Variants in CRTC3 observed in about 807,000 individuals in gnomAD.
CRTC3 encodes CREB-regulated transcription coactivator 3.
Under a neutral mutation model 74.5 loss-of-function variants are expected in CRTC3, and 26 were observed. That is an observed-to-expected ratio of 0.35 (90% CI 0.26 to 0.48). CRTC3 has a LOEUF of 0.48. CRTC3 is among the 20% of genes least tolerant of loss of function. The probability of loss-of-function intolerance (pLI) is 0.99; values close to 1 mark genes in which losing one functional copy is unlikely to be tolerated. For missense variants in CRTC3, 760 were observed against 787.3 expected, an observed-to-expected ratio of 0.97 and a Z score of 0.41; for synonymous variants, 377 against 325.8, an observed-to-expected ratio of 1.16 and a Z score of -1.69.
At chr15:90,624,461 C>G (rs1439587785) in intron 9 of CRTC3, among the ~76,000 whole-genome samples, 1 of 152,138 alleles carries the variant, frequency 6.6e-6, no homozygotes, top group Non-Finnish European at 1.5e-5. Flanking sequence ...CTGCCTCTCC[C>G]TCCCCATGTG....
At chr15:90,543,581 C>A (rs1309512992) in intron 2 of CRTC3, among the ~76,000 whole-genome samples, 1 of 152,094 alleles carries the variant, frequency 6.6e-6, no homozygotes. Flanking sequence ...TAAGAGTGGG[C>A]TTGAAGCGCA....
chr15:90,531,230 CA>C (rs536256517), intron 1 of CRTC3, among the ~76,000 whole-genome samples: 1 of 152,084 alleles, frequency 6.6e-6, no homozygotes, highest in African/African-American at 2.4e-5. Context: ...ACACAAAATC[CA>C]AATTTCCGTA....
intron 2 of CRTC3, among the ~76,000 whole-genome samples, chr15:90,572,381 G>A (rs940754069): frequency 2.6e-5 from 4 of 152,026 alleles, no homozygotes; most frequent in Admixed American, 1.3e-4. Flanking sequence ...TTATGATATC[G>A]TGTTGGATAT....
intron 2 of CRTC3, among the ~76,000 whole-genome samples, chr15:90,562,015 A>C (rs190051141): frequency 6.6e-6 from 1 of 152,242 alleles, no homozygotes; most frequent in Non-Finnish European, 1.5e-5. Flanking sequence ...CTCCCTGGCT[A>C]TAAGCAGTTG....
At chr15:90,630,293 T>C (rs79260673) in intron 11 of CRTC3, among the ~76,000 whole-genome samples, 2,327 of 152,294 alleles carry the variant, frequency 0.015, 77 homozygotes, top group African/African-American at 0.053. Context: ...TCCTGAAGCT[T>C]TGATAATGAA....
chr15:90,561,243 C>T (rs752867081), intron 2 of CRTC3, among the ~76,000 whole-genome samples: 1 of 152,300 alleles, frequency 6.6e-6, no homozygotes, highest in South Asian at 2.1e-4. Flanking sequence ...TATAAACTCC[C>T]TGTTGCAGCC....
intron 2 of CRTC3, among the ~76,000 whole-genome samples, chr15:90,572,777 T>C (rs1967305345): frequency 6.6e-6 from 1 of 152,184 alleles, no homozygotes; most frequent in African/African-American, 2.4e-5. Context: ...GGTTTCACCA[T>C]GTTGGCCAGG....
intron 2 of CRTC3, among the ~76,000 whole-genome samples, chr15:90,592,307 T>C (rs1967819262): frequency 6.6e-6 from 1 of 152,240 alleles, no homozygotes; most frequent in South Asian, 2.1e-4. Flanking sequence ...CATTTTGCTA[T>C]GTATACATAT....
chr15:90,635,931 T>A (rs538731781), intron 11 of CRTC3, among the ~76,000 whole-genome samples: 113 of 152,154 alleles, frequency 7.4e-4, no homozygotes, highest in African/African-American at 2.5e-3. Flanking sequence ...GGAAGAACAT[T>A]CCATGCTCAT....
rs1969474557 is a variant in CRTC3 at position 90,642,197 on chromosome 15, T to C, written c.*57T>C. On this transcript the variant is annotated 3_prime_UTR_variant, in exon 15 of 15. Transcript: ENST00000268184. ...CTGCAACAGCCAAAATAGAATGGAA[T>C]AGAATGAAGCCAGCTGATACCACGG... 3 of 1,478,326 alleles carry C rather than the reference T, an allele frequency of 2.0e-6. No homozygotes were observed. The highest frequency in any genetic ancestry group is 2.8e-6 in the Non-Finnish European group (3 of 1,060,662). The allele number at this position is 1,478,326 out of a possible 1,614,324, so 91.6% of individuals were successfully genotyped here.
At chr15:90,572,092 G>A (rs372140168) in intron 2 of CRTC3, among the ~76,000 whole-genome samples, 14 of 151,762 alleles carry the variant, frequency 9.2e-5, no homozygotes, top group African/African-American at 3.4e-4. Context: ...AGCCCAAGAG[G>A]CGGAGGTTGC....
At chr15:90,556,972 A>C (rs1026285781) in intron 2 of CRTC3, among the ~76,000 whole-genome samples, 83 of 18,000 alleles carry the variant, frequency 4.6e-3, no homozygotes, top group African/African-American at 7.4e-3. Flanking sequence ...ATATATATAT[A>C]TATATATATA....
rs1966603605 is a variant in CRTC3 at position 90,530,262 on chromosome 15, G to T, written c.132+59G>T. The T allele has an allele frequency of 7.0e-6, 7 of 996,036 alleles. No individual in the cohort carries two copies. In the East Asian group the frequency reaches 5.9e-4, roughly 84 times the overall value. 61.7% of individuals were successfully genotyped at this position (996,036 alleles called of 1,614,324 possible). A position where few individuals can be genotyped will look rare whatever the true frequency, so the allele number is the denominator to read the frequency against. ...CACGGCCGCGGGCGGGACCCGCGCG[G>T]CGGGTGAGAGGTTGCGGGGCCAAGG... is the stretch of plus-strand genomic sequence containing the variant. On this transcript the variant is annotated intron_variant, in intron 1 of 14. Coordinates refer to ENST00000268184, the MANE Select transcript of CRTC3 (RefSeq NM_022769.5). The surrounding 1 kb of genome is among the most constrained non-coding windows in gnomAD (Gnocchi z 6.2).
intron 11 of CRTC3, among the ~76,000 whole-genome samples, chr15:90,631,074 G>A (rs1240529450): frequency 7.0e-6 from 1 of 143,542 alleles, no homozygotes; most frequent in African/African-American, 2.5e-5. Context: ...ACCGCGCCCG[G>A]CCTATTACAG....
intron 2 of CRTC3, among the ~76,000 whole-genome samples, chr15:90,585,024 G>T (rs976436257): frequency 3.3e-5 from 5 of 152,198 alleles, no homozygotes; most frequent in Admixed American, 6.5e-5. Flanking sequence ...CAATTTGTAG[G>T]TGTGCCGTTT....
At chr15:90,589,873 G>C (rs574952816) in intron 2 of CRTC3, among the ~76,000 whole-genome samples, 6 of 152,060 alleles carry the variant, frequency 3.9e-5, no homozygotes, top group African/African-American at 9.6e-5. Context: ...TGTAATCCCA[G>C]CTACTCAGGA....
At chr15:90,597,128 G>T (rs1213717502) in intron 3 of CRTC3, among the ~76,000 whole-genome samples, 1 of 152,220 alleles carries the variant, frequency 6.6e-6, no homozygotes, top group Non-Finnish European at 1.5e-5. Flanking sequence ...CCCCACACAG[G>T]CGGAGGAGAG....
intron 2 of CRTC3, among the ~76,000 whole-genome samples, chr15:90,541,894 C>T (rs1452956740): frequency 1.3e-5 from 2 of 148,750 alleles, no homozygotes; most frequent in Admixed American, 6.9e-5. Flanking sequence ...CAAGCATTCT[C>T]CTGCCTCAGC....
intron 1 of CRTC3, among the ~76,000 whole-genome samples, chr15:90,539,381 A>G (rs1966768357): frequency 6.6e-6 from 1 of 151,366 alleles, no homozygotes; most frequent in African/African-American, 2.4e-5. Context: ...AATATCCAAT[A>G]TCAATGAGTT....
Sources: gnomAD v4.1 joint callset for allele counts (sites outside exome capture counted in the v4.1 genomes callset) on GRCh38, gnomAD v4.1.1 for gene constraint, Gnocchi (gnomAD v3.1) non-coding constraint, MANE v1.5 for transcripts, NCBI Gene and HGNC (gene_info 2026-07-23, HGNC 2026-07-21) for gene names.